RGS5: variants seen among roughly 807,000 people sequenced by gnomAD.
The protein encoded by RGS5 is regulator of G protein signaling 5.
RGS5 carries 20 observed loss-of-function variants against 18.9 expected under a neutral mutation model. The observed-to-expected ratio is 1.06, with a 90% confidence interval of 0.74 to 1.54. The LOEUF is 1.54. RGS5 is among the 40% of genes most tolerant of loss of function. RGS5 has a pLI of 0.00. For missense variants in RGS5, 201 were observed against 211.8 expected (o/e 0.95, Z 0.32); for synonymous variants, 57 against 76.2 (o/e 0.75, Z 1.31).
rs948678485 is a variant in RGS5 at position 163,192,174 on chromosome 1, T to G, written c.44+10618A>C. On this transcript the variant is annotated intron_variant, in intron 1 of 4. Transcript: ENST00000313961. The stretch of plus-strand genomic sequence containing the variant: ...GTGTCTTATGAGACATTATATAAAT[T>G]ATTGAAGCTAAAGAAGGGATTACAG... 7.2e-4 allele frequency among the ~76,000 whole-genome samples: 110 copies of G among 152,192 alleles called. 1 individual carries two copies. Among genetic ancestry groups the G allele is most frequent in the African/African-American group, 2.6e-3 (109 of 41,442 alleles).
In RGS5 at chr1:163,174,598, G is replaced by A. The variant is rs186897850; in HGVS notation, c.45-6230C>T. On this transcript the variant is annotated intron_variant, in intron 1 of 4. Transcript: ENST00000313961. Reference sequence around the variant, plus strand: ...TATAAAGTAAGTGAATTCAATTTCTGTCCTTGAAAGAGATTGAGAATGGTC... The same window carrying A: ...TATAAAGTAAGTGAATTCAATTTCTATCCTTGAAAGAGATTGAGAATGGTC... 5.9e-5 allele frequency among the ~76,000 whole-genome samples: 9 copies of A among 152,170 alleles called. 1 individual carries two copies. The highest frequency in any genetic ancestry group is 1.3e-4 in the Admixed American group (2 of 15,274).
intron 2 of RGS5, among the ~76,000 whole-genome samples, chr1:163,164,380 A>T (rs1295892422): frequency 6.6e-6 from 1 of 152,142 alleles, no homozygotes; most frequent in Non-Finnish European, 1.5e-5. Context: ...CAAAATAAAC[A>T]TTTATAGAGA....
At chr1:163,172,547 G>T in intron 1 of RGS5, 2 of 1,549,254 alleles carry the variant, frequency 1.3e-6, no homozygotes, top group South Asian at 1.2e-5. Flanking sequence ...CTTCAGAGCA[G>T]ACTAACATAC....
At chr1:163,184,685 G>T (rs1658997899) in intron 1 of RGS5, among the ~76,000 whole-genome samples, 1 of 152,132 alleles carries the variant, frequency 6.6e-6, no homozygotes, top group South Asian at 2.1e-4. Context: ...AAGTCTGAAG[G>T]CAATATGACA....
intron 2 of RGS5, among the ~76,000 whole-genome samples, chr1:163,277,644 C>T (rs944998505): frequency 5.3e-5 from 8 of 152,088 alleles, no homozygotes; most frequent in African/African-American, 1.7e-4. Flanking sequence ...TAATAAAGTC[C>T]AACCTAGTAA....
intron 2 of RGS5, among the ~76,000 whole-genome samples, chr1:163,163,650 G>C (rs1657908114): frequency 6.6e-6 from 1 of 152,114 alleles, no homozygotes. Context: ...ATTATTTCAT[G>C]CCTACATGTT....
At chr1:163,253,472 CT>C (rs35268118) in intron 2 of RGS5, among the ~76,000 whole-genome samples, 29,231 of 137,580 alleles carry the variant, frequency 0.21, 3,159 homozygotes, top group Non-Finnish European at 0.26. Flanking sequence ...CCATGCCCAA[CT>C]TTTTTTTTTT....
At chr1:163,313,902 C>A (rs1649940698) in intron 1 of RGS5, among the ~76,000 whole-genome samples, 1 of 152,068 alleles carries the variant, frequency 6.6e-6, no homozygotes, top group Admixed American at 6.6e-5. Flanking sequence ...GAGCTTCTAA[C>A]ATTAATTACT....
rs1649899489 is a variant in RGS5, at chr1:163,312,618, G to A, written c.-377-6289C>T. 2.0e-5 allele frequency among the ~76,000 whole-genome samples: 3 copies of A among 152,292 alleles called. No individual in the cohort carries two copies. In the South Asian group the frequency reaches 6.2e-4, roughly 32 times the overall value. Reference sequence around the variant, plus strand: ...TAAGGAAACTAGCCTGATTAAAGCAGAGAATACATTTTAAACAGTACTGGA... The same window carrying A: ...TAAGGAAACTAGCCTGATTAAAGCAAAGAATACATTTTAAACAGTACTGGA... On this transcript the variant is annotated intron_variant, in intron 1 of 5. Transcript: ENST00000618415.
chr1:163,255,501 G>C (rs1448676328), intron 2 of RGS5, among the ~76,000 whole-genome samples: 1 of 151,944 alleles, frequency 6.6e-6, no homozygotes, highest in Non-Finnish European at 1.5e-5. Flanking sequence ...TCCAGGACCA[G>C]ATGGATTCAC....
rs570662408 is a variant in RGS5 at position 163,149,983 on chromosome 1, G to A, written c.385-2480C>T. On this transcript the variant is annotated intron_variant, in intron 4 of 4. Transcript: ENST00000313961. ...AGCTTTAGCTAGAGACTTGCCCAAA[G>A]TCCCACATCTAAGAATGTCTGAAGT... is the stretch of plus-strand genomic sequence containing the variant. 2.6e-5 allele frequency among the ~76,000 whole-genome samples: 4 copies of A among 152,300 alleles called. No homozygotes were observed. The East Asian group carries it at 7.7e-4, about 29-fold the overall frequency.
At chr1:163,244,559 C>T (rs935243644) in intron 2 of RGS5, 2 of 151,978 alleles carry the variant, frequency 1.3e-5, no homozygotes, top group African/African-American at 4.8e-5. Context: ...ACAACATTAG[C>T]AGAAACAATG....
At chr1:163,215,095 C>T (rs969089029) in intron 1 of RGS5, among the ~76,000 whole-genome samples, 14 of 152,158 alleles carry the variant, frequency 9.2e-5, no homozygotes, top group East Asian at 3.9e-4. Context: ...TTAAAATATA[C>T]GTAAAATGGA....
chr1:163,245,713 T>C (rs1169326910), intron 2 of RGS5, among the ~76,000 whole-genome samples: 1 of 152,240 alleles, frequency 6.6e-6, no homozygotes, highest in Non-Finnish European at 1.5e-5. Context: ...GGTATAATAA[T>C]ACCATTTTCA....
intron 2 of RGS5, among the ~76,000 whole-genome samples, chr1:163,286,217 A>C (rs1021398848): frequency 2.0e-5 from 3 of 152,186 alleles, no homozygotes; most frequent in Non-Finnish European, 2.9e-5. Context: ...TAGGTGTTAT[A>C]AGTAATCTAG....
intron 2 of RGS5, among the ~76,000 whole-genome samples, chr1:163,262,607 G>A (rs547082644): frequency 2.9e-4 from 32 of 112,042 alleles, no homozygotes; most frequent in East Asian, 1.7e-3. Context: ...GAATAGTGCC[G>A]CAATAAACAT....
chr1:163,205,657 C>T (rs1659938373), upstream of RGS5, among the ~76,000 whole-genome samples: 1 of 151,968 alleles, frequency 6.6e-6, no homozygotes, highest in Admixed American at 6.6e-5. Flanking sequence ...CTGGAGGATG[C>T]CACAGTGGTT....
intron 1 of RGS5, chr1:163,319,331 G>C (rs969032587): frequency 2.6e-5 from 4 of 152,300 alleles, no homozygotes; most frequent in Non-Finnish European, 4.4e-5. Flanking sequence ...AAAGGCAATA[G>C]ACACAACAAA....
At chr1:163,199,104 A>G (rs538223837) in intron 1 of RGS5, among the ~76,000 whole-genome samples, 1 of 152,322 alleles carries the variant, frequency 6.6e-6, no homozygotes, top group Admixed American at 6.5e-5. Context: ...CCTAAAATTC[A>G]AACTTGAAAA....
Sources: allele counts gnomAD v4.1 joint callset (sites outside exome capture counted in the v4.1 genomes callset), GRCh38; gene constraint gnomAD v4.1.1; transcripts MANE v1.5; gene names NCBI Gene and HGNC (gene_info 2026-07-23, HGNC 2026-07-21).